The following DPY19L1 variants were observed in gnomAD, a reference collection of about 807,000 sequenced individuals.
DPY19L1 encodes the protein protein C-mannosyl-transferase DPY19L1.
DPY19L1 carries 35 observed loss-of-function variants against 96.9 expected under a neutral mutation model. The observed-to-expected ratio is 0.36, with a 90% CI of 0.28 to 0.48. DPY19L1 has a LOEUF of 0.48. Among genes scored for constraint, DPY19L1 ranks in the 20% least tolerant of loss-of-function variants. The pLI is 0.99. For synonymous variants in DPY19L1, 205 were observed against 252.6 expected (o/e 0.81, Z 1.79); for missense variants, 521 against 777.9 (o/e 0.67, Z 3.93).
intron 2 of DPY19L1, 26 bp downstream of exon 2, chr7:35,018,546 A>C: frequency 6.2e-7 from 1 of 1,600,548 alleles, no homozygotes. Context: ...TGCATAAAAT[A>C]CCATAGGAGA....
At chr7:35,028,869 G>C (rs1786193923) in intron 1 of DPY19L1, among the ~76,000 whole-genome samples, 1 of 152,172 alleles carries the variant, frequency 6.6e-6, no homozygotes, top group African/African-American at 2.4e-5. Context: ...CTAACTTCCT[G>C]ACATTGCCAT....
At position 34,942,946 on chromosome 7, in the gene DPY19L1, G is replaced by GA. The variant is rs552916044; in HGVS notation, c.1545-308dup. Reference sequence around the variant, plus strand: ...GTGATACCCCAGCAAAGCATGGAATGAAAAAAACCTTTGAGATTTTCACTA... The same window carrying GA: ...GTGATACCCCAGCAAAGCATGGAATGAAAAAAAACCTTTGAGATTTTCACTA... On this transcript the variant is annotated intron_variant, in intron 16 of 21. Transcript: ENST00000638088. Among the ~76,000 whole-genome samples, 229 of 152,190 alleles carry GA rather than the reference G, an allele frequency of 1.5e-3. 1 individual carries two copies. Among genetic ancestry groups the GA allele is most frequent in the African/African-American group, 5.3e-3 (222 of 41,534 alleles).
chr7:35,016,267 C>T (rs989822361), intron 3 of DPY19L1, among the ~76,000 whole-genome samples: 1 of 152,076 alleles, frequency 6.6e-6, no homozygotes, highest in African/African-American at 2.4e-5. Context: ...CAAGGGCAAA[C>T]AAGGAGAGCT....
At chr7:34,974,786 A>T (rs1784798250) in intron 7 of DPY19L1, among the ~76,000 whole-genome samples, 1 of 152,192 alleles carries the variant, frequency 6.6e-6, no homozygotes, top group African/African-American at 2.4e-5. Context: ...TGCATCAAGC[A>T]AGTCTATCAG....
rs180865747 is a variant in DPY19L1, at chr7:34,937,972, T to G, written c.2090+22A>C. 6 of 1,608,576 alleles carry G rather than the reference T, an allele frequency of 3.7e-6. No homozygotes were observed. The South Asian group carries it at 6.6e-5, about 18-fold the overall frequency. On this transcript the variant is annotated intron_variant, in intron 21 of 21. Coordinates refer to ENST00000638088, the MANE Select transcript of DPY19L1 (RefSeq NM_001366673.1). Reference sequence around the variant, plus strand: ...ACCTTCATGTCTTATGATTATAAAATGTTAACTGTGTTGATACTCACTTGG... The same window carrying G: ...ACCTTCATGTCTTATGATTATAAAAGGTTAACTGTGTTGATACTCACTTGG...
At chr7:34,962,981 G>A (rs1040271746) in intron 10 of DPY19L1, among the ~76,000 whole-genome samples, 5 of 152,034 alleles carry the variant, frequency 3.3e-5, no homozygotes, top group Admixed American at 6.5e-5. Context: ...GATCACATGA[G>A]ATCAGGAGTT....
intron 6 of DPY19L1, among the ~76,000 whole-genome samples, chr7:34,991,672 A>G (rs1229680386): frequency 4.6e-5 from 7 of 152,204 alleles, no homozygotes; most frequent in African/African-American, 1.7e-4. Flanking sequence ...TATAGGGGAA[A>G]AAAAGTGATT....
At chr7:34,946,582 C>T (rs1235368427) in intron 15 of DPY19L1, among the ~76,000 whole-genome samples, 2 of 152,168 alleles carry the variant, frequency 1.3e-5, no homozygotes, top group Non-Finnish European at 2.9e-5. Context: ...TAGGTGCAAA[C>T]CCACATAAAC....
chr7:35,006,279 T>A (rs548597938), intron 6 of DPY19L1, among the ~76,000 whole-genome samples: 1 of 152,330 alleles, frequency 6.6e-6, no homozygotes, highest in South Asian at 2.1e-4. Context: ...CACCATAACC[T>A]AGCTAACCCC....
chr7:35,019,049 T>G (rs1452044673), intron 1 of DPY19L1, among the ~76,000 whole-genome samples: 1 of 151,976 alleles, frequency 6.6e-6, no homozygotes, highest in African/African-American at 2.4e-5. Context: ...TTTAAACAAA[T>G]TTAAAATGAA....
At chr7:35,025,346 T>C (rs1247430829) in intron 1 of DPY19L1, among the ~76,000 whole-genome samples, 2 of 152,136 alleles carry the variant, frequency 1.3e-5, no homozygotes, top group Admixed American at 6.5e-5. Context: ...CCCTTAAAGA[T>C]AAAATCTTTG....
At chr7:34,969,014 T>C (rs765312498) in intron 9 of DPY19L1, among the ~76,000 whole-genome samples, 2 of 152,066 alleles carry the variant, frequency 1.3e-5, no homozygotes, top group Non-Finnish European at 2.9e-5. Flanking sequence ...ATCCTATGTG[T>C]CTTTATTCTA....
chr7:34,934,632 T>TG (rs1187808189), intron 21 of DPY19L1, among the ~76,000 whole-genome samples: 1 of 151,928 alleles, frequency 6.6e-6, no homozygotes, highest in Non-Finnish European at 1.5e-5. Context: ...GGCTGGAGGG[T>TG]GGGGGCGATG....
intron 13 of DPY19L1, among the ~76,000 whole-genome samples, chr7:34,951,410 T>C (rs1458047459): frequency 6.6e-6 from 1 of 152,086 alleles, no homozygotes; most frequent in East Asian, 1.9e-4. Context: ...AAAATATGTA[T>C]ATATTTGATT....
chr7:35,001,370 T>C (rs959895559), intron 6 of DPY19L1, among the ~76,000 whole-genome samples: 7 of 152,226 alleles, frequency 4.6e-5, no homozygotes, highest in Non-Finnish European at 8.8e-5. Context: ...ATTTTATTAT[T>C]AATTAATTTA....
intron 1 of DPY19L1, among the ~76,000 whole-genome samples, chr7:35,022,741 A>C (rs1283998403): frequency 1.3e-5 from 2 of 152,158 alleles, no homozygotes; most frequent in African/African-American, 4.8e-5. Context: ...ATCATGTCCT[A>C]ATAACCTCAA....
rs1783756480 is a variant in DPY19L1, at chr7:34,931,728, G to A, written c.2092C>T (p.Pro698Ser). Residue 698 changes from proline to serine, a missense_variant and splice_region_variant, in exon 22 of 22, where the codon CCT becomes TCT. Physicochemically the swap from Pro to Ser is moderately conservative, Grantham distance 74 (BLOSUM62 -1). Coordinates refer to ENST00000638088, the MANE Select transcript of DPY19L1 (RefSeq NM_001366673.1). The part of the protein sequence containing the change: ...EESWCVRRSK[P>S]GCSMPEIWDV... ...CAAATTTCAGGCATACTGCAACCAG[G>A]CCTAGAAAAATGAATGTACATGTTA... 6.4e-7 allele frequency: 1 copy of A among 1,565,946 alleles called. No homozygotes were observed. The highest frequency in any genetic ancestry group is 1.4e-5 in the African/African-American group (1 of 72,998).
intron 9 of DPY19L1, 107 bp from the exon 10 acceptor site, chr7:34,967,078 G>A (rs1469723228): frequency 2.7e-6 from 2 of 748,478 alleles, no homozygotes; most frequent in Middle Eastern, 4.3e-4. Context: ...CACACAGAGT[G>A]AGTTCTTCTG....
intron 13 of DPY19L1, among the ~76,000 whole-genome samples, chr7:34,951,398 CAA>C (rs1431127605): frequency 6.6e-6 from 1 of 151,766 alleles, no homozygotes; most frequent in Non-Finnish European, 1.5e-5. Flanking sequence ...CAATAAATTC[CAA>C]AAATATGTAT....
Sources: gnomAD v4.1 joint callset for allele counts (sites outside exome capture counted in the v4.1 genomes callset) on GRCh38, gnomAD v4.1.1 for gene constraint, MANE v1.5 for transcripts, NCBI Gene and HGNC (gene_info 2026-07-23, HGNC 2026-07-21) for gene names.